Variants in GRIK2 observed in about 807,000 individuals in gnomAD.
GRIK2 encodes glutamate receptor ionotropic, kainate 2.
GRIK2 carries 32 observed loss-of-function variants against 100.3 expected under a neutral mutation model. That is an observed-to-expected ratio of 0.32 (90% CI 0.24 to 0.43). GRIK2 has a LOEUF of 0.43. Among genes scored for constraint, GRIK2 ranks in the 20% least tolerant of loss-of-function variants. GRIK2 has a pLI of 1.00. For missense variants in GRIK2, 843 were observed against 1,114.9 expected, an observed-to-expected ratio of 0.76 and a Z score of 3.47; for synonymous variants, 417 against 389.4, an observed-to-expected ratio of 1.07 and a Z score of -0.83.
At chr6:101,439,786 T>G (rs1273498541) in intron 2 of GRIK2, among the ~76,000 whole-genome samples, 1 of 152,148 alleles carries the variant, frequency 6.6e-6, no homozygotes, top group Non-Finnish European at 1.5e-5. Context: ...GTAATTATTT[T>G]TAAATGGACT....
At chr6:101,906,831 A>G (rs1788263830) in intron 12 of GRIK2, among the ~76,000 whole-genome samples, 1 of 151,832 alleles carries the variant, frequency 6.6e-6, no homozygotes, top group Non-Finnish European at 1.5e-5. Context: ...CCTCATAAAT[A>G]CTGGTCCGCA....
intron 14 of GRIK2, among the ~76,000 whole-genome samples, chr6:102,030,416 T>A (rs1324993686): frequency 4.6e-5 from 7 of 151,166 alleles, no homozygotes; most frequent in African/African-American, 9.7e-5. Context: ...ATTTTATTTT[T>A]TTTTTCTTTT....
At chr6:101,888,134 T>C (rs1454337356) in intron 11 of GRIK2, among the ~76,000 whole-genome samples, 3 of 152,186 alleles carry the variant, frequency 2.0e-5, no homozygotes, top group Non-Finnish European at 4.4e-5. Context: ...CCTTTCCATC[T>C]GTACAAATTA....
intron 7 of GRIK2, among the ~76,000 whole-genome samples, chr6:101,791,547 G>C (rs578066397): frequency 1.8e-4 from 27 of 152,198 alleles, no homozygotes; most frequent in African/African-American, 5.1e-4. Context: ...CTGAGTTCTA[G>C]TTTGATTGCA....
intron 2 of GRIK2, chr6:101,430,973 G>T: frequency 3.6e-6 from 1 of 278,746 alleles, no homozygotes; most frequent in South Asian, 4.8e-5. Context: ...AGATGGCACT[G>T]TGTAAGTGAC....
intron 2 of GRIK2, among the ~76,000 whole-genome samples, chr6:101,428,195 CA>C (rs777469181): frequency 5.3e-5 from 8 of 152,236 alleles, no homozygotes; most frequent in Non-Finnish European, 7.4e-5. Flanking sequence ...AAAAATAAAA[CA>C]AAAATCTGGA....
chr6:101,851,010 C>T (rs1447277348), intron 10 of GRIK2, among the ~76,000 whole-genome samples: 1 of 151,972 alleles, frequency 6.6e-6, no homozygotes, highest in African/African-American at 2.4e-5. Flanking sequence ...CACAGTGTAG[C>T]TGGAGATAGG....
Position 101,997,503 on chromosome 6 carries a change from G to A in GRIK2, c.2086-37838G>A, listed in dbSNP as rs536366168. ...ATTGTTAATTGTTTCTAATCCACAA[G>A]TTTTATACAGTACCTGCTCATCACA... On this transcript the variant is annotated intron_variant, in intron 14 of 16. Transcript: ENST00000369134. 6.2e-4 allele frequency among the ~76,000 whole-genome samples: 95 copies of A among 152,060 alleles called. 1 individual carries two copies. The highest frequency in any genetic ancestry group is 2.3e-3 in the African/African-American group (95 of 41,524).
At chr6:101,818,091 A>C (rs1382952987) in intron 9 of GRIK2, among the ~76,000 whole-genome samples, 1 of 152,188 alleles carries the variant, frequency 6.6e-6, no homozygotes, top group Non-Finnish European at 1.5e-5. Context: ...GGTATCATCA[A>C]ATGTGGTTTA....
At chr6:101,990,173 G>A (rs1329552949) in intron 14 of GRIK2, among the ~76,000 whole-genome samples, 2 of 151,658 alleles carry the variant, frequency 1.3e-5, no homozygotes, top group Admixed American at 6.6e-5. Flanking sequence ...AGTACAGTGA[G>A]TCTTTATTCA....
chr6:101,927,405 T>C (rs1282918207), intron 13 of GRIK2: 1 of 204,610 alleles, frequency 4.9e-6, no homozygotes, highest in African/African-American at 2.4e-5. Context: ...TAGTCTATGC[T>C]TTCTTGATAG....
intron 14 of GRIK2, among the ~76,000 whole-genome samples, chr6:101,969,608 G>A (rs935191338): frequency 6.6e-6 from 1 of 151,940 alleles, no homozygotes; most frequent in Non-Finnish European, 1.5e-5. Context: ...GATAATTTCC[G>A]AACTGATAGT....
At chr6:101,535,923 G>C (rs17054623) in intron 2 of GRIK2, among the ~76,000 whole-genome samples, 8,450 of 151,718 alleles carry the variant, frequency 0.056, 822 homozygotes, top group African/African-American at 0.2. Flanking sequence ...CCATGCTTCA[G>C]AGATACTGTA....
chr6:101,760,750 A>G (rs2128391006), intron 7 of GRIK2, among the ~76,000 whole-genome samples: 1 of 135,494 alleles, frequency 7.4e-6, no homozygotes, highest in South Asian at 2.1e-4. Context: ...ATTTAATTAT[A>G]TATAATTATA....
intron 10 of GRIK2, among the ~76,000 whole-genome samples, chr6:101,843,168 A>G (rs1372560846): frequency 6.6e-6 from 1 of 152,220 alleles, no homozygotes; most frequent in African/African-American, 2.4e-5. Flanking sequence ...TTACACCAAA[A>G]TTGGTTTTAG....
At chr6:101,630,050 C>T (rs1166388797) in intron 4 of GRIK2, among the ~76,000 whole-genome samples, 1 of 152,020 alleles carries the variant, frequency 6.6e-6, no homozygotes, top group Non-Finnish European at 1.5e-5. Flanking sequence ...TAATTTTGTT[C>T]TTTTATATGG....
intron 2 of GRIK2, among the ~76,000 whole-genome samples, chr6:101,421,480 A>AAT (rs1194932871): frequency 3.9e-5 from 6 of 152,266 alleles, no homozygotes; most frequent in African/African-American, 1.4e-4. Context: ...GGTGCTCCTT[A>AAT]ATATATGTTC....
intron 2 of GRIK2, among the ~76,000 whole-genome samples, chr6:101,424,568 T>C (rs1211503536): frequency 6.6e-6 from 1 of 151,412 alleles, no homozygotes; most frequent in Non-Finnish European, 1.5e-5. Flanking sequence ...TTTTCATTTT[T>C]TAAAAATTAT....
At chr6:102,053,020 A>T (rs570720049) in intron 15 of GRIK2, among the ~76,000 whole-genome samples, 13 of 152,102 alleles carry the variant, frequency 8.5e-5, no homozygotes, top group Non-Finnish European at 1.6e-4. Context: ...GTGAGCCAAG[A>T]TCCCACCACT....
Sources: gnomAD v4.1 joint callset for allele counts (sites outside exome capture counted in the v4.1 genomes callset) on GRCh38, gnomAD v4.1.1 for gene constraint, MANE v1.5 for transcripts, NCBI Gene and HGNC (gene_info 2026-07-23, HGNC 2026-07-21) for gene names.